EP400: variants seen among roughly 807,000 people sequenced by gnomAD.
EP400 encodes E1A-binding protein p400.
Under a neutral mutation model 354.1 loss-of-function variants are expected in EP400, and 105 were observed. That is an observed-to-expected ratio of 0.30 (90% CI 0.25 to 0.35). EP400 has a LOEUF of 0.35. Among genes scored for constraint, EP400 ranks in the 10% least tolerant of loss-of-function variants. The pLI, the probability that EP400 is intolerant of heterozygous loss-of-function variation, is 1.00. For missense variants in EP400, 3,280 were observed against 4,121.0 expected, an observed-to-expected ratio of 0.80 and a Z score of 5.59; for synonymous variants, 1,646 against 1,716.9, an observed-to-expected ratio of 0.96 and a Z score of 1.02.
rs759501414 is a variant in EP400, at chr12:132,037,713, T to C, written c.5983T>C (p.Leu1995=). 8 of 1,614,048 alleles carry C rather than the reference T, an allele frequency of 5.0e-6. No homozygotes were observed. The African/African-American group carries it at 9.3e-5, about 19-fold the overall frequency. The change falls in exon 31 of 53, where the codon TTG becomes CTG. Residue 1995 remains leucine (L), a synonymous_variant. Coordinates refer to ENST00000389561, the MANE Select transcript of EP400 (RefSeq NM_015409.5). ...GAGTGGCAATTCCATTGAAGAGAAATTGTTGAAAAATGGAACTAAAGATCT... is the reference window on the plus strand; with the variant it reads ...GAGTGGCAATTCCATTGAAGAGAAACTGTTGAAAAATGGAACTAAAGATCT... The part of the protein sequence containing the change: ...LVSGNSIEEK[L]LKNGTKDLIR...
At chr12:132,047,053 A>G (rs1357168370) in intron 39 of EP400, among the ~76,000 whole-genome samples, 1 of 152,170 alleles carries the variant, frequency 6.6e-6, no homozygotes, top group African/African-American at 2.4e-5. Context: ...GAGAATTAAC[A>G]TTTTCTCCAT....
At chr12:131,960,193 C>T (rs912650299) in intron 1 of EP400, among the ~76,000 whole-genome samples, 5 of 152,236 alleles carry the variant, frequency 3.3e-5, no homozygotes, top group African/African-American at 1.2e-4. Context: ...TGGCCTTGAA[C>T]AGCTCACAGA....
intron 2 of EP400, among the ~76,000 whole-genome samples, chr12:131,976,717 CAA>C (rs1437783969): frequency 7.9e-5 from 12 of 151,934 alleles, no homozygotes; most frequent in African/African-American, 2.9e-4. Flanking sequence ...CTCAAAAAAA[CAA>C]AAAACAAAAA....
chr12:131,963,665 T>G (rs1010197602), intron 2 of EP400: 3 of 1,568,822 alleles, frequency 1.9e-6, no homozygotes, highest in Non-Finnish European at 1.7e-6. Context: ...GGTTCTCAAA[T>G]GTAGTCTCAT....
chr12:132,063,635 G>T (rs1895781903), intron 47 of EP400, among the ~76,000 whole-genome samples: 1 of 152,204 alleles, frequency 6.6e-6, no homozygotes, highest in African/African-American at 2.4e-5. Context: ...TGTTGGGCCT[G>T]CCGGAGTGCT....
chr12:131,985,135 C>T (rs551504443), intron 5 of EP400, among the ~76,000 whole-genome samples: 2 of 152,148 alleles, frequency 1.3e-5, no homozygotes, highest in South Asian at 2.1e-4. Context: ...GGATTACAGG[C>T]GTGAGCCGCC....
chr12:132,058,613 G>A (rs982030237), intron 45 of EP400, among the ~76,000 whole-genome samples: 2 of 152,016 alleles, frequency 1.3e-5, no homozygotes, highest in Admixed American at 1.3e-4. Context: ...GCCTCCCAAA[G>A]TGCTGGGGTT....
rs1893594493 is a variant in EP400 at position 132,006,708 on chromosome 12, T to C, written c.3135T>C (p.Phe1045=). 6.3e-7 allele frequency: 1 copy of C among 1,593,020 alleles called. No homozygotes were observed. The highest frequency in any genetic ancestry group is 8.5e-7 in the Non-Finnish European group (1 of 1,172,136). ...TTTGTTCATCACTGCAGGTCAAGTTTAATGCTCCATCTTTGTTGTATGGGG... is the reference window on the plus strand; with the variant it reads ...TTTGTTCATCACTGCAGGTCAAGTTCAATGCTCCATCTTTGTTGTATGGGG... ...GSARVTTSVK[F]NAPSLLYGAL... Residue 1045 remains phenylalanine, a synonymous_variant, in exon 15 of 53, where the codon TTT becomes TTC. Transcript: ENST00000389561.
At chr12:132,024,435 C>T (rs1473894739) in intron 24 of EP400, among the ~76,000 whole-genome samples, 1 of 152,268 alleles carries the variant, frequency 6.6e-6, no homozygotes, top group South Asian at 2.1e-4. Context: ...GACAAATTGT[C>T]CCTAAAACAC....
In EP400 at chr12:132,029,894, T is replaced by C; in HGVS notation, c.5575T>C (p.Phe1859Leu). Residue 1859 changes from phenylalanine (F) to leucine (L), a missense_variant, in exon 28 of 53, where the codon TTC becomes CTC. Transcript: ENST00000389561. This position sits in a 1 kb window ranked among gnomAD's most constrained non-coding sequence, Gnocchi z 4.7. ...LQFPELRLVQ[F>L]DSGKLEALAI... The stretch of plus-strand genomic sequence containing the variant: ...GTTCCCTGAGCTGAGGCTGGTGCAG[T>C]TCGACTCAGGTATGCGGCAGTTGGG... 1.9e-6 allele frequency: 3 copies of C among 1,612,278 alleles called. No individual in the cohort carries two copies. Among genetic ancestry groups the C allele is most frequent in the South Asian group, 1.1e-5 (1 of 91,076 alleles).
At chr12:132,060,166 A>G (rs1323329451) in intron 45 of EP400, among the ~76,000 whole-genome samples, 1 of 152,220 alleles carries the variant, frequency 6.6e-6, no homozygotes, top group Non-Finnish European at 1.5e-5. Context: ...AAACAACCCA[A>G]ACTTAAGAAT....
intron 32 of EP400, among the ~76,000 whole-genome samples, chr12:132,040,215 A>G (rs1477275643): frequency 6.6e-6 from 1 of 152,066 alleles, no homozygotes; most frequent in Non-Finnish European, 1.5e-5. Context: ...CGCAAAAGAT[A>G]GCGAGTGTTG....
In EP400 at chr12:132,011,370, G is replaced by T; in HGVS notation, c.3305-128G>T. The T allele has an allele frequency of 7.7e-6, 9 of 1,161,468 alleles. No individual in the cohort carries two copies. The South Asian group carries it at 1.5e-4, about 19-fold the overall frequency. 71.9% of individuals were successfully genotyped at this position (1,161,468 alleles called of 1,614,324 possible). ...AATGCACTTGTTCCCCCCCAAGTCT[G>T]CCTCAGTCGTGCGATGGCTCATGTG... On this transcript the variant is annotated intron_variant, in intron 15 of 52. Coordinates refer to ENST00000389561, the MANE Select transcript of EP400 (RefSeq NM_015409.5).
In EP400 at chr12:131,992,215, T is replaced by G; in HGVS notation, c.2722T>G (p.Leu908Val). ...AAGAAAAAGAAAAGCTAGCATATCT[T>G]TGACTGATGACGAAGGTCTGTTCCC... Reference protein sequence around the residue: ...SGRKRKASISLTDDEVDDEEE... With the variant: ...SGRKRKASISVTDDEVDDEEE... Residue 908 changes from leucine (L) to valine (V), a missense_variant, in exon 11 of 53, where the codon TTG becomes GTG. Leu to Val is a conservative substitution (Grantham distance 32). Around this residue, in one of 20 missense-constraint regions of EP400, gnomAD observed 800 missense variants for 840.0 expected, o/e 0.95. Coordinates refer to ENST00000389561, the MANE Select transcript of EP400 (RefSeq NM_015409.5). 6.2e-7 allele frequency: 1 copy of G among 1,610,620 alleles called. No individual in the cohort carries two copies. Among genetic ancestry groups the G allele is most frequent in the Non-Finnish European group, 8.5e-7 (1 of 1,179,934 alleles).
chr12:131,971,560 T>C (rs1300842948), intron 2 of EP400, among the ~76,000 whole-genome samples: 3 of 152,208 alleles, frequency 2.0e-5, no homozygotes, highest in Non-Finnish European at 4.4e-5. Context: ...ACCTTCATAC[T>C]GATTTCCATA....
rs1312990711 is a variant in EP400, at chr12:132,064,832, G to A, written c.8499G>A (p.Arg2833=). 1 of 1,612,324 alleles carries A rather than the reference G, an allele frequency of 6.2e-7. No homozygotes were observed. Among genetic ancestry groups the A allele is most frequent in the Non-Finnish European group, 8.5e-7 (1 of 1,179,666 alleles). The change falls in exon 48 of 53, where the codon AGG becomes AGA. Residue 2833 remains arginine (R), a synonymous_variant. Coordinates refer to ENST00000389561, the MANE Select transcript of EP400 (RefSeq NM_015409.5). The part of the protein sequence containing the change: ...SPQLTTVTAP[R]PGALLTGTTV... The stretch of plus-strand genomic sequence containing the variant: ...AGCTCACGACGGTCACGGCCCCAAG[G>A]CCTGGTGCCCTGCTGACGGGCACCA...
intron 1 of EP400, among the ~76,000 whole-genome samples, chr12:131,956,012 G>A (rs548563273): frequency 6.6e-6 from 1 of 152,220 alleles, no homozygotes; most frequent in Admixed American, 6.5e-5. Flanking sequence ...CTGTAGCTAC[G>A]GTTCTTTACT....
intron 21 of EP400, among the ~76,000 whole-genome samples, chr12:132,019,047 G>C (rs1188576872): frequency 6.6e-6 from 1 of 152,136 alleles, no homozygotes; most frequent in Non-Finnish European, 1.5e-5. Context: ...ACTTTGAGTG[G>C]ATCACCGTCC....
At chr12:132,068,860 A>G (rs1895982707) in intron 50 of EP400, 1 of 152,556 alleles carries the variant, frequency 6.6e-6, no homozygotes, top group Admixed American at 6.5e-5. Context: ...AGACGTGGCC[A>G]TGCTGATGCA....
Sources: gnomAD v4.1 joint callset for allele counts (sites outside exome capture counted in the v4.1 genomes callset) on GRCh38, gnomAD v4.1.1 for gene constraint, gnomAD v4.1.1 regional missense constraint, Gnocchi (gnomAD v3.1) non-coding constraint, MANE v1.5 for transcripts, NCBI Gene and HGNC (gene_info 2026-07-23, HGNC 2026-07-21) for gene names.